Variants in CTNND2 observed in about 807,000 individuals in gnomAD.
CTNND2 encodes catenin delta-2.
A neutral mutation model predicts 144.4 loss-of-function variants in CTNND2; 22 were observed. That is an observed-to-expected ratio of 0.15 (90% CI 0.11 to 0.22). The LOEUF (loss-of-function observed/expected upper bound fraction) is 0.22, where lower values mean the gene tolerates loss of function less well. Among genes scored for constraint, CTNND2 ranks in the 10% least tolerant of loss-of-function variants. The pLI, the probability that CTNND2 is intolerant of heterozygous loss-of-function variation, is 1.00. For missense variants in CTNND2, 1,353 were observed against 1,618.8 expected (o/e 0.84, Z 2.82); for synonymous variants, 751 against 695.6 (o/e 1.08, Z -1.25).
chr5:11,559,143 A>G (rs1310163103), intron 3 of CTNND2, among the ~76,000 whole-genome samples: 1 of 152,154 alleles, frequency 6.6e-6, no homozygotes, highest in Admixed American at 6.5e-5. Context: ...TTATATTTGT[A>G]TGTGTATATA....
chr5:11,700,529 G>A (rs1785381425), intron 2 of CTNND2, among the ~76,000 whole-genome samples: 1 of 152,178 alleles, frequency 6.6e-6, no homozygotes, highest in Non-Finnish European at 1.5e-5. Context: ...CAGCGTGCTG[G>A]GGGAGTAAGC....
chr5:11,230,134 A>G (rs245093), intron 10 of CTNND2, among the ~76,000 whole-genome samples: 141,819 of 147,186 alleles, frequency 0.96, 68,373 homozygotes, highest in African/African-American at 0.99. Flanking sequence ...ACCAAACACC[A>G]CATATTCTCA....
At chr5:11,017,340 T>C (rs922252610) in intron 18 of CTNND2, among the ~76,000 whole-genome samples, 18 of 151,994 alleles carry the variant, frequency 1.2e-4, no homozygotes, top group African/African-American at 4.1e-4. Flanking sequence ...AATTCCTGCC[T>C]GCCTTGTGAG....
intron 1 of CTNND2, among the ~76,000 whole-genome samples, chr5:11,853,386 C>T (rs1266387303): frequency 3.9e-5 from 6 of 152,202 alleles, no homozygotes. Context: ...CTCCCCCTCT[C>T]CCTGGCATCC....
rs777753200 is a variant in CTNND2 at position 11,082,842 on chromosome 5, G to A, written c.2642C>T (p.Ser881Leu). The A allele has an allele frequency of 6.2e-7, 1 of 1,613,676 alleles. No homozygotes were observed. Among genetic ancestry groups the A allele is most frequent in the Non-Finnish European group, 8.5e-7 (1 of 1,179,890 alleles). Residue 881 changes from serine to leucine, a missense_variant, in exon 16 of 22, where the codon TCA becomes TTA. Around this residue, in one of 4 missense-constraint regions of CTNND2, gnomAD observed 459 missense variants for 674.3 expected, o/e 0.68. Coordinates refer to ENST00000304623, the MANE Select transcript of CTNND2 (RefSeq NM_001332.4). ...QNLAAGSWKW[S>L]VYIRAAVRKE... Reference sequence around the variant, plus strand: ...TCGGACAGCGGCTCGGATATATACTGACCACTGCAAAAACAGGGAAGGCGA... The same window carrying A: ...TCGGACAGCGGCTCGGATATATACTAACCACTGCAAAAACAGGGAAGGCGA...
chr5:11,131,414 G>C (rs1755582565), intron 12 of CTNND2, among the ~76,000 whole-genome samples: 1 of 152,174 alleles, frequency 6.6e-6, no homozygotes, highest in South Asian at 2.1e-4. Flanking sequence ...TTGGCTACCT[G>C]GCTTTTAAAT....
intron 11 of CTNND2, among the ~76,000 whole-genome samples, chr5:11,178,832 T>C (rs930288223): frequency 6.6e-6 from 1 of 152,158 alleles, no homozygotes; most frequent in African/African-American, 2.4e-5. Flanking sequence ...GGAAGACATA[T>C]ACAATACATT....
At chr5:11,714,040 T>C (rs1230208043) in intron 2 of CTNND2, among the ~76,000 whole-genome samples, 3 of 152,236 alleles carry the variant, frequency 2.0e-5, no homozygotes, top group African/African-American at 7.2e-5. Flanking sequence ...TTACATTCTA[T>C]ATTTAACTTT....
At chr5:11,507,496 T>A (rs1460493755) in intron 3 of CTNND2, among the ~76,000 whole-genome samples, 4 of 152,296 alleles carry the variant, frequency 2.6e-5, no homozygotes, top group South Asian at 2.1e-4. Flanking sequence ...CTTCCTCCGT[T>A]GCATAAGGTT....
At chr5:11,855,894 GAGAGAAT>G (rs1795228856) in intron 1 of CTNND2, among the ~76,000 whole-genome samples, 1 of 152,224 alleles carries the variant, frequency 6.6e-6, no homozygotes, top group African/African-American at 2.4e-5. Context: ...TCAACTCCAA[GAGAGAAT>G]AAAGGATATT....
At chr5:11,513,552 A>AT (rs754593010) in intron 3 of CTNND2, among the ~76,000 whole-genome samples, 9 of 152,160 alleles carry the variant, frequency 5.9e-5, no homozygotes, top group Non-Finnish European at 1.3e-4. Context: ...ACAAATTGTG[A>AT]TTTTCACTAA....
chr5:11,207,617 C>T (rs1298858034), intron 10 of CTNND2, among the ~76,000 whole-genome samples: 1 of 152,104 alleles, frequency 6.6e-6, no homozygotes, highest in African/African-American at 2.4e-5. Flanking sequence ...TCATCCTCCC[C>T]ACCTGATTAA....
At chr5:11,012,813 T>C (rs773027730) in intron 18 of CTNND2, among the ~76,000 whole-genome samples, 9 of 152,218 alleles carry the variant, frequency 5.9e-5, no homozygotes, top group Non-Finnish European at 1.3e-4. Context: ...CAGGAAAGCA[T>C]AGTCTCTGTC....
chr5:11,065,389 C>T (rs1747452399), intron 16 of CTNND2, among the ~76,000 whole-genome samples: 1 of 152,236 alleles, frequency 6.6e-6, no homozygotes, highest in African/African-American at 2.4e-5. Flanking sequence ...TATGTGTATA[C>T]TTTAAATATT....
At chr5:11,321,532 C>T (rs901692361) in intron 9 of CTNND2, among the ~76,000 whole-genome samples, 1 of 152,084 alleles carries the variant, frequency 6.6e-6, no homozygotes, top group African/African-American at 2.4e-5. Flanking sequence ...GTAATAGCTG[C>T]AAAAGTCATC....
At chr5:11,129,323 A>T (rs1161149737) in intron 12 of CTNND2, among the ~76,000 whole-genome samples, 3 of 107,506 alleles carry the variant, frequency 2.8e-5, no homozygotes, top group Non-Finnish European at 5.4e-5. Flanking sequence ...AATATATATA[A>T]TATATATATA....
intron 1 of CTNND2, among the ~76,000 whole-genome samples, chr5:11,888,424 C>G (rs554993810): frequency 1.4e-4 from 22 of 152,244 alleles, no homozygotes; most frequent in Admixed American, 4.6e-4. Context: ...TTCTTTCCAG[C>G]CTTGCCAACC....
At chr5:11,857,816 T>C (rs190143110) in intron 1 of CTNND2, among the ~76,000 whole-genome samples, 88 of 147,806 alleles carry the variant, frequency 6.0e-4, no homozygotes, top group African/African-American at 2.2e-3. Context: ...CATGAGCATA[T>C]AAGAAAAGGA....
At chr5:11,147,671 A>AG (rs1161480228) in intron 12 of CTNND2, among the ~76,000 whole-genome samples, 1 of 152,096 alleles carries the variant, frequency 6.6e-6, no homozygotes, top group African/African-American at 2.4e-5. Context: ...AAAAAAAAAA[A>AG]AAAAACTTTT....
Sources: gnomAD v4.1 joint callset for allele counts (sites outside exome capture counted in the v4.1 genomes callset) on GRCh38, gnomAD v4.1.1 for gene constraint, gnomAD v4.1.1 regional missense constraint, MANE v1.5 for transcripts, NCBI Gene and HGNC (gene_info 2026-07-23, HGNC 2026-07-21) for gene names.